ABTB2: variants seen among roughly 807,000 people sequenced by gnomAD.
ABTB2 encodes the protein ankyrin repeat and BTB domain containing 2, also known as ankyrin repeat and BTB/POZ domain-containing protein 2.
ABTB2 carries 56 observed loss-of-function variants against 104.1 expected under a neutral mutation model. That is an observed-to-expected ratio of 0.54 (90% CI 0.43 to 0.67). The LOEUF (loss-of-function observed/expected upper bound fraction) is 0.67, where lower values mean the gene tolerates loss of function less well. ABTB2 is among the 30% of genes least tolerant of loss of function. ABTB2 has a pLI of 0.00. For synonymous variants in ABTB2, 606 were observed against 608.2 expected (o/e 1.00, Z 0.05); for missense variants, 1,279 against 1,407.7 (o/e 0.91, Z 1.46).
intron 1 of ABTB2, among the ~76,000 whole-genome samples, chr11:34,295,625 C>T (rs1854612251): frequency 6.6e-6 from 1 of 152,132 alleles, no homozygotes. Context: ...CATGACCATG[C>T]CTTAGTCAGC....
In ABTB2 at chr11:34,185,713, A is replaced by G. The variant is rs532417315; in HGVS notation, c.1244+11612T>C. Among the ~76,000 whole-genome samples, 385 of 152,308 alleles carry G rather than the reference A, an allele frequency of 2.5e-3. 4 individuals are homozygous for G. Among genetic ancestry groups the G allele is most frequent in the African/African-American group, 8.9e-3 (371 of 41,552 alleles). On this transcript the variant is annotated intron_variant, in intron 3 of 16. Transcript: ENST00000435224. ...GGGGGAGAGGTGGGTCAACAGGTAC[A>G]AAGTTGTAGTTAGATTGGAAAAATA...
At chr11:34,284,242 C>T (rs191376583) in intron 1 of ABTB2, among the ~76,000 whole-genome samples, 11 of 152,378 alleles carry the variant, frequency 7.2e-5, no homozygotes, top group African/African-American at 2.2e-4. Context: ...TCACATCATC[C>T]TGTAGGGCAG....
At chr11:34,263,977 G>A (rs988189889) in intron 1 of ABTB2, among the ~76,000 whole-genome samples, 3 of 152,192 alleles carry the variant, frequency 2.0e-5, no homozygotes, top group Admixed American at 6.5e-5. Flanking sequence ...TCCTTAACAT[G>A]CTGACGTCTT....
chr11:34,187,540 C>T (rs553396320), intron 3 of ABTB2, among the ~76,000 whole-genome samples: 1 of 150,910 alleles, frequency 6.6e-6, no homozygotes, highest in Non-Finnish European at 1.5e-5. Context: ...CTCTGTTGCC[C>T]AGGCTGAGTG....
intron 1 of ABTB2, among the ~76,000 whole-genome samples, chr11:34,243,009 C>T (rs1853938635): frequency 6.6e-6 from 1 of 152,160 alleles, no homozygotes. Context: ...CTCCCCTCCA[C>T]AGCCCTGCCC....
chr11:34,279,195 T>C (rs1386511035), intron 1 of ABTB2, among the ~76,000 whole-genome samples: 1 of 152,198 alleles, frequency 6.6e-6, no homozygotes, highest in Admixed American at 6.5e-5. Flanking sequence ...AGGTGCTATT[T>C]ATTCATTAGC....
At chr11:34,355,723 G>T (rs1855458115) in intron 1 of ABTB2, among the ~76,000 whole-genome samples, 1 of 152,134 alleles carries the variant, frequency 6.6e-6, no homozygotes, top group Non-Finnish European at 1.5e-5. Flanking sequence ...ATACCATTCT[G>T]AACAGTTTAT....
intron 1 of ABTB2, among the ~76,000 whole-genome samples, chr11:34,322,068 T>C (rs967738257): frequency 1.3e-5 from 2 of 152,168 alleles, no homozygotes; most frequent in African/African-American, 2.4e-5. Flanking sequence ...CCTGACAGTA[T>C]TGGCAGGGGT....
At chr11:34,162,847 A>T in intron 9 of ABTB2, 42 bp from the exon 10 acceptor site, 1 of 1,543,726 alleles carries the variant, frequency 6.5e-7, no homozygotes, top group African/African-American at 1.4e-5. Context: ...CTGAAGTCCC[A>T]CAGGCAGTGC....
At chr11:34,294,687 C>T (rs1854599393) in intron 1 of ABTB2, among the ~76,000 whole-genome samples, 1 of 151,854 alleles carries the variant, frequency 6.6e-6, no homozygotes. Flanking sequence ...GCCTGGGCAA[C>T]ATAGTGAGCC....
intron 1 of ABTB2, among the ~76,000 whole-genome samples, chr11:34,270,232 A>G (rs1388427638): frequency 6.6e-6 from 1 of 152,072 alleles, no homozygotes; most frequent in Non-Finnish European, 1.5e-5. Flanking sequence ...TAGATGTAAC[A>G]CTGGCCTCAG....
chr11:34,219,319 A>G (rs1225285870), intron 1 of ABTB2, among the ~76,000 whole-genome samples: 1 of 151,918 alleles, frequency 6.6e-6, no homozygotes, highest in Non-Finnish European at 1.5e-5. Context: ...TTGGGAGACC[A>G]AGCCAGGAGG....
chr11:34,190,892 T>C (rs932141427), intron 3 of ABTB2, among the ~76,000 whole-genome samples: 1 of 152,200 alleles, frequency 6.6e-6, no homozygotes, highest in African/African-American at 2.4e-5. Flanking sequence ...GGAGACACCA[T>C]TTAATGAGCA....
Position 34,152,380 on chromosome 11 carries a change from C to T in ABTB2, c.*7G>A. ...GGCCCTGGCCTCGGCAGCCTCCGCC[C>T]CCTGCCTCACACCCGGGAGGTGATG... is the stretch of plus-strand genomic sequence containing the variant. On this transcript the variant is annotated 3_prime_UTR_variant, in exon 17 of 17. Coordinates refer to ENST00000435224, the MANE Select transcript of ABTB2 (RefSeq NM_145804.3). 1 of 1,556,134 alleles carries T rather than the reference C, an allele frequency of 6.4e-7. No homozygotes were observed. Among genetic ancestry groups the T allele is most frequent in the South Asian group, 1.2e-5 (1 of 84,490 alleles).
At chr11:34,348,034 T>C (rs1855354877) in intron 1 of ABTB2, among the ~76,000 whole-genome samples, 1 of 152,246 alleles carries the variant, frequency 6.6e-6, no homozygotes, top group Non-Finnish European at 1.5e-5. Flanking sequence ...CTTTGGCCTG[T>C]AATGCTACAT....
chr11:34,194,732 T>C (rs1430166882), intron 3 of ABTB2, among the ~76,000 whole-genome samples: 1 of 151,752 alleles, frequency 6.6e-6, no homozygotes, highest in African/African-American at 2.4e-5. Context: ...CCCTCAGGTA[T>C]TTTTAGGGTT....
chr11:34,322,779 C>G (rs1445099077), intron 1 of ABTB2, among the ~76,000 whole-genome samples: 1 of 152,122 alleles, frequency 6.6e-6, no homozygotes, highest in East Asian at 1.9e-4. Context: ...TCAAGTGATC[C>G]TCCAACTTCA....
chr11:34,336,921 TATC>T (rs1855198833), intron 1 of ABTB2, among the ~76,000 whole-genome samples: 1 of 152,118 alleles, frequency 6.6e-6, no homozygotes, highest in South Asian at 2.1e-4. Flanking sequence ...TGTCCACAAC[TATC>T]ATATGAGGGA....
intron 3 of ABTB2, among the ~76,000 whole-genome samples, chr11:34,195,075 C>CGGCGGGAGGG (rs1554982289): frequency 5.5e-5 from 1 of 18,066 alleles, no homozygotes; most frequent in Non-Finnish European, 2.0e-4. Flanking sequence ...AGATGCCCGG[C>CGGCGGGAGGG]GGGGGGGGGG....
Sources: allele counts gnomAD v4.1 joint callset (sites outside exome capture counted in the v4.1 genomes callset), GRCh38; gene constraint gnomAD v4.1.1; transcripts MANE v1.5; gene names NCBI Gene and HGNC (gene_info 2026-07-23, HGNC 2026-07-21).